Variants in ANKRD30BL observed in about 807,000 individuals in gnomAD.
ANKRD30BL encodes the protein putative ankyrin repeat domain-containing protein 30B-like.
Under a neutral mutation model 18.4 loss-of-function variants are expected in ANKRD30BL, and 20 were observed. The observed-to-expected ratio is 1.09, with a 90% CI of 0.77 to 1.58. The LOEUF (loss-of-function observed/expected upper bound fraction) is 1.58. Among genes scored for constraint, ANKRD30BL ranks in the 40% most tolerant of loss-of-function variants. The pLI is 0.00. For missense variants in ANKRD30BL, 224 were observed against 268.6 expected (o/e 0.83, Z 1.16); for synonymous variants, 72 against 100.9 (o/e 0.71, Z 1.72).
intron 1 of ANKRD30BL, among the ~76,000 whole-genome samples, chr2:132,186,126 C>CA (rs111581260): frequency 0.017 from 2,066 of 123,296 alleles, 31 homozygotes; most frequent in African/African-American, 0.048. Flanking sequence ...CAAGATGTCT[C>CA]AAAAAAAAAA....
chr2:132,229,245 G>A (rs1432030477), intron 1 of ANKRD30BL, among the ~76,000 whole-genome samples: 5 of 152,000 alleles, frequency 3.3e-5, no homozygotes, highest in Admixed American at 6.6e-5. Flanking sequence ...TGGACCTTTC[G>A]AGTGCCTTCG....
At chr2:132,167,970 T>TA (rs949789570) in intron 1 of ANKRD30BL, among the ~76,000 whole-genome samples, 22 of 152,282 alleles carry the variant, frequency 1.4e-4, no homozygotes, top group African/African-American at 5.1e-4. Context: ...TCAATAAGAA[T>TA]AAAAAAACTT....
intron 1 of ANKRD30BL, among the ~76,000 whole-genome samples, chr2:132,187,969 C>T (rs974662481): frequency 1.3e-5 from 2 of 152,020 alleles, no homozygotes; most frequent in African/African-American, 2.4e-5. Context: ...TGGCTGGTCT[C>T]GAACTAACCT....
chr2:132,235,420 A>T (rs1039450144), intron 1 of ANKRD30BL, among the ~76,000 whole-genome samples: 4 of 152,130 alleles, frequency 2.6e-5, no homozygotes, highest in African/African-American at 9.7e-5. Flanking sequence ...AGATGACATG[A>T]TTGTATATCT....
intron 1 of ANKRD30BL, among the ~76,000 whole-genome samples, chr2:132,178,807 A>G (rs1416234273): frequency 6.6e-6 from 1 of 152,132 alleles, no homozygotes; most frequent in Admixed American, 6.6e-5. Context: ...TTTCTAAGAG[A>G]AATAATGTGT....
chr2:132,185,607 T>C (rs1688548887), intron 1 of ANKRD30BL, among the ~76,000 whole-genome samples: 1 of 152,178 alleles, frequency 6.6e-6, no homozygotes. Flanking sequence ...TTTAAGGAAA[T>C]GTTTTATCTT....
intron 3 of ANKRD30BL, chr2:132,156,328 AC>A (rs1476179615): frequency 6.6e-6 from 1 of 152,170 alleles, no homozygotes; most frequent in Non-Finnish European, 1.5e-5. Flanking sequence ...TTAGAAGACA[AC>A]CCCATTATTA....
Position 132,154,674 on chromosome 2 carries a change from T to C in ANKRD30BL, c.602A>G (p.Asp201Gly), listed in dbSNP as rs752918579. The change falls in exon 4 of 6, where the codon GAT (aspartate) becomes GGT (glycine). Residue 201 changes from aspartate to glycine, a missense_variant. Asp to Gly is a moderately conservative substitution (Grantham distance 94, BLOSUM62 -1). This residue lies in a region of ANKRD30BL where 63 missense variants were observed against 62.3 expected (regional missense o/e 1.01). Coordinates refer to ENST00000409867, the MANE Select transcript of ANKRD30BL (RefSeq NM_001358416.1). ...LTKNANANAV[D>G]KFKCVHQQLL... is the part of the protein sequence containing the mutation. ...AAAACTACTATACCATTTAAACTTA[T>C]CAACTGCATTTGCATTTGCATTTTT... 4.2e-6 allele frequency: 3 copies of C among 720,818 alleles called. No individual in the cohort carries two copies. Among genetic ancestry groups the C allele is most frequent in the Non-Finnish European group, 7.8e-6 (3 of 386,746 alleles). The allele number at this position is 720,818 out of a possible 1,614,324, so 44.7% of individuals were successfully genotyped here. A position where few individuals can be genotyped will look rare whatever the true frequency, so the allele number is the denominator to read the frequency against.
intron 1 of ANKRD30BL, among the ~76,000 whole-genome samples, chr2:132,256,075 A>G (rs1573903369): frequency 1.3e-5 from 2 of 152,238 alleles, no homozygotes; most frequent in African/African-American, 2.4e-5. Flanking sequence ...GCCAGCGACC[A>G]AAAGAACCAT....
At chr2:132,238,881 T>G (rs543885305) in intron 1 of ANKRD30BL, among the ~76,000 whole-genome samples, 37 of 152,232 alleles carry the variant, frequency 2.4e-4, no homozygotes, top group Admixed American at 2.3e-3. Context: ...ATTGAGCATT[T>G]TTGAAACACT....
chr2:132,250,313 T>C (rs1299289623), intron 1 of ANKRD30BL, among the ~76,000 whole-genome samples: 3 of 152,108 alleles, frequency 2.0e-5, no homozygotes, highest in Admixed American at 6.5e-5. Context: ...ACATTCATTA[T>C]AGTTTTTATG....
At chr2:132,236,018 C>T (rs1442899942) in intron 1 of ANKRD30BL, among the ~76,000 whole-genome samples, 1 of 152,006 alleles carries the variant, frequency 6.6e-6, no homozygotes, top group African/African-American at 2.4e-5. Context: ...AGAACAGAGC[C>T]CTCAGAAATA....
At chr2:132,247,805 G>A (rs946606530) in intron 1 of ANKRD30BL, among the ~76,000 whole-genome samples, 7 of 151,880 alleles carry the variant, frequency 4.6e-5, no homozygotes, top group African/African-American at 1.4e-4. Context: ...ATATCCCTAT[G>A]CAGATAGTAC....
At chr2:132,210,538 T>A (rs996166161) in intron 1 of ANKRD30BL, among the ~76,000 whole-genome samples, 3 of 152,026 alleles carry the variant, frequency 2.0e-5, no homozygotes, top group Non-Finnish European at 2.9e-5. Context: ...GAAAGAAATA[T>A]CTTCACATAA....
chr2:132,254,245 C>A (rs548237096), intron 1 of ANKRD30BL, among the ~76,000 whole-genome samples: 2 of 151,868 alleles, frequency 1.3e-5, no homozygotes, highest in Non-Finnish European at 2.9e-5. Flanking sequence ...GGCCATGCAA[C>A]GAACAAAGGG....
intron 1 of ANKRD30BL, among the ~76,000 whole-genome samples, chr2:132,211,627 C>T (rs1057260287): frequency 1.3e-4 from 20 of 152,054 alleles, no homozygotes; most frequent in Admixed American, 3.3e-4. Context: ...GCATTCATCT[C>T]ACAGAGTTGA....
intron 1 of ANKRD30BL, among the ~76,000 whole-genome samples, chr2:132,241,659 T>G (rs930367813): frequency 3.3e-5 from 5 of 150,848 alleles, no homozygotes; most frequent in Admixed American, 6.6e-5. Context: ...GATAGCTTTG[T>G]GGTTTTGTTG....
chr2:132,205,833 C>G (rs201644161), intron 1 of ANKRD30BL, among the ~76,000 whole-genome samples: 2 of 120,064 alleles, frequency 1.7e-5, no homozygotes, highest in Admixed American at 1.8e-4. Context: ...AAATACCACT[C>G]AAAAAAGATG....
rs554744536 is a variant in ANKRD30BL, at chr2:132,151,124, G to A, written c.615-148C>T. 3.8e-3 allele frequency: 1,454 copies of A among 381,524 alleles called. 7 individuals carry two copies. Among genetic ancestry groups the A allele is most frequent in the Non-Finnish European group, 4.8e-3 (1,017 of 212,970 alleles). The allele number at this position is 381,524 out of a possible 1,614,324, so 23.6% of individuals were successfully genotyped here. ...TTTTCCATAGACTTTAAGTTTGTAA[G>A]CTCTATGAACTTATTAAGCTTCTAA... On this transcript the variant is annotated intron_variant, in intron 4 of 5. Coordinates refer to ENST00000409867, the MANE Select transcript of ANKRD30BL (RefSeq NM_001358416.1).
Sources: allele counts gnomAD v4.1 joint callset (sites outside exome capture counted in the v4.1 genomes callset), GRCh38; gene constraint gnomAD v4.1.1; regional missense constraint gnomAD v4.1.1; transcripts MANE v1.5; gene names NCBI Gene and HGNC (gene_info 2026-07-23, HGNC 2026-07-21).